The following FOXP2 variants were observed in gnomAD, a reference collection of about 807,000 sequenced individuals.
FOXP2 encodes forkhead box P2, also known as forkhead box protein P2.
In FOXP2, 12 loss-of-function variants were observed where a neutral mutation model predicts 115.8. That is an observed-to-expected ratio of 0.10 (90% CI 0.07 to 0.17). FOXP2 has a LOEUF of 0.17. FOXP2 is among the 10% of genes least tolerant of loss of function. The pLI is 1.00. For synonymous variants in FOXP2, 328 were observed against 297.7 expected (o/e 1.10, Z -1.05); for missense variants, 629 against 843.5 (o/e 0.75, Z 3.15).
chr7:114,622,372 T>A (rs1184100944), intron 3 of FOXP2, among the ~76,000 whole-genome samples: 1 of 151,918 alleles, frequency 6.6e-6, no homozygotes, highest in Admixed American at 6.6e-5. Context: ...CTTGAAAATG[T>A]AAATGAATGT....
chr7:114,307,277 C>T (rs1265010450), intron 2 of FOXP2, among the ~76,000 whole-genome samples: 1 of 152,088 alleles, frequency 6.6e-6, no homozygotes, highest in Non-Finnish European at 1.5e-5. Flanking sequence ...AGGATTAAGG[C>T]CACCTGTAAA....
rs554609198 is a variant in FOXP2 at position 114,170,613 on chromosome 7, G to T, written c.-102+7525G>T. ...TATGAGTGATAAGAAAATGAAACAG[G>T]CTTACTGTTGATATGAAGAAAGTTT... is the stretch of plus-strand genomic sequence containing the variant. On this transcript the variant is annotated intron_variant, in intron 1 of 17. Transcript: ENST00000634411. 2.6e-5 allele frequency among the ~76,000 whole-genome samples: 4 copies of T among 152,168 alleles called. No individual in the cohort carries two copies. The East Asian group carries it at 7.7e-4, about 29-fold the overall frequency.
At chr7:114,247,185 A>G (rs1795305785) in intron 1 of FOXP2, among the ~76,000 whole-genome samples, 1 of 152,154 alleles carries the variant, frequency 6.6e-6, no homozygotes. Context: ...TATCTTCCTT[A>G]TGTAGTGTGT....
intron 2 of FOXP2, among the ~76,000 whole-genome samples, chr7:114,444,886 TA>T (rs150421423): frequency 0.042 from 6,369 of 152,222 alleles, 177 homozygotes; most frequent in Admixed American, 0.077. Flanking sequence ...GTAACCAAGC[TA>T]GGGGTAACTT....
At chr7:114,483,449 T>C (rs180898018) in intron 2 of FOXP2, among the ~76,000 whole-genome samples, 6 of 151,852 alleles carry the variant, frequency 4.0e-5, no homozygotes, top group Non-Finnish European at 7.4e-5. Context: ...TCAGTTCTAC[T>C]TGGTATCTCT....
At chr7:114,480,597 T>G (rs529030867) in intron 2 of FOXP2, among the ~76,000 whole-genome samples, 1 of 150,106 alleles carries the variant, frequency 6.7e-6, no homozygotes, top group African/African-American at 2.4e-5. Context: ...ACATATACAT[T>G]CATATATACA....
chr7:114,150,204 G>A (rs1302444420), intron 1 of FOXP2, among the ~76,000 whole-genome samples: 1 of 152,064 alleles, frequency 6.6e-6, no homozygotes, highest in Non-Finnish European at 1.5e-5. Flanking sequence ...GGGTCCGGAT[G>A]AAGAGATAGT....
At chr7:114,536,773 T>G in intron 3 of FOXP2, among the ~76,000 whole-genome samples, 1 of 151,530 alleles carries the variant, frequency 6.6e-6, no homozygotes, top group East Asian at 1.9e-4. Context: ...GTTTGTAATT[T>G]TAATGAGATC....
At chr7:114,238,681 A>T (rs1039459514) in intron 1 of FOXP2, among the ~76,000 whole-genome samples, 2 of 151,798 alleles carry the variant, frequency 1.3e-5, no homozygotes, top group African/African-American at 4.8e-5. Flanking sequence ...CTGAGGGAGG[A>T]TGATGGGTTG....
chr7:114,298,422 C>A (rs985258620), intron 2 of FOXP2, among the ~76,000 whole-genome samples: 9 of 152,082 alleles, frequency 5.9e-5, no homozygotes, highest in Admixed American at 4.6e-4. Flanking sequence ...GCACGCTGAG[C>A]TTCAAATAAT....
At chr7:114,608,884 T>G (rs1803477239) in intron 3 of FOXP2, among the ~76,000 whole-genome samples, 1 of 152,046 alleles carries the variant, frequency 6.6e-6, no homozygotes, top group Non-Finnish European at 1.5e-5. Context: ...AAGTTCAATT[T>G]AATCACAACC....
At chr7:114,547,495 C>T (rs894352120) in intron 3 of FOXP2, among the ~76,000 whole-genome samples, 1 of 152,140 alleles carries the variant, frequency 6.6e-6, no homozygotes, top group Non-Finnish European at 1.5e-5. Flanking sequence ...CTGTGGCTCA[C>T]GCCTGTAATC....
At chr7:114,625,554 C>T (rs919055502) in intron 3 of FOXP2, among the ~76,000 whole-genome samples, 1 of 151,658 alleles carries the variant, frequency 6.6e-6, no homozygotes, top group Admixed American at 6.6e-5. Context: ...TACAATTAAT[C>T]TTTATTCATT....
chr7:114,315,315 A>T (rs996456282), intron 2 of FOXP2, among the ~76,000 whole-genome samples: 10 of 152,186 alleles, frequency 6.6e-5, no homozygotes, highest in Non-Finnish European at 8.8e-5. Context: ...ATAGAAGAGG[A>T]GTCTGAGGAG....
upstream of FOXP2, among the ~76,000 whole-genome samples, chr7:114,159,079 A>C (rs1280101370): frequency 3.9e-5 from 6 of 152,140 alleles, no homozygotes; most frequent in Admixed American, 3.9e-4. Context: ...GTAGTTGTTG[A>C]TTCAAGAAAA....
intron 3 of FOXP2, among the ~76,000 whole-genome samples, chr7:114,535,761 A>G (rs189662616): frequency 2.0e-5 from 3 of 151,774 alleles, no homozygotes; most frequent in South Asian, 2.1e-4. Flanking sequence ...TTTCCTGGGA[A>G]CAAAGTCATC....
chr7:114,229,055 T>A lies in FOXP2; in HGVS notation c.-101-58964T>A, dbSNP rs562071174. On this transcript the variant is annotated intron_variant, in intron 1 of 17. Transcript: ENST00000634411. The stretch of plus-strand genomic sequence containing the variant: ...AGACTTTAAGTGAAAGGGTAGGAAA[T>A]GATATTTCACATAAATCATGACAAA... 2.0e-5 allele frequency among the ~76,000 whole-genome samples: 3 copies of A among 151,594 alleles called. No homozygotes were observed. The East Asian group carries it at 5.8e-4, about 29-fold the overall frequency.
At chr7:114,316,081 G>C (rs1199333232) in intron 2 of FOXP2, among the ~76,000 whole-genome samples, 1 of 152,140 alleles carries the variant, frequency 6.6e-6, no homozygotes, top group East Asian at 1.9e-4. Flanking sequence ...TTTGTTTACA[G>C]TAAGAACTGG....
chr7:114,306,426 T>C (rs1325703748), intron 2 of FOXP2, among the ~76,000 whole-genome samples: 5 of 152,166 alleles, frequency 3.3e-5, no homozygotes, highest in Admixed American at 2.0e-4. Flanking sequence ...TAAGCAAGCC[T>C]GCTCTTTGTC....
Sources: allele counts gnomAD v4.1 joint callset (sites outside exome capture counted in the v4.1 genomes callset), GRCh38; gene constraint gnomAD v4.1.1; transcripts MANE v1.5; gene names NCBI Gene and HGNC (gene_info 2026-07-23, HGNC 2026-07-21).